SHC3: variants seen among roughly 807,000 people sequenced by gnomAD.
SHC3 encodes SHC adaptor protein 3, also known as SHC-transforming protein 3.
Under a neutral mutation model 60.4 loss-of-function variants are expected in SHC3, and 15 were observed. That is an observed-to-expected ratio of 0.25 (90% CI 0.17 to 0.38). The LOEUF (loss-of-function observed/expected upper bound fraction) is 0.38. Among genes scored for constraint, SHC3 ranks in the 10% least tolerant of loss-of-function variants. The pLI, the probability that SHC3 is intolerant of heterozygous loss-of-function variation, is 1.00. For missense variants in SHC3, 677 were observed against 786.1 expected (o/e 0.86, Z 1.66); for synonymous variants, 294 against 325.9 (o/e 0.90, Z 1.05).
At chr9:89,026,642 A>G (rs901996059) in intron 11 of SHC3, among the ~76,000 whole-genome samples, 1 of 152,238 alleles carries the variant, frequency 6.6e-6, no homozygotes, top group Non-Finnish European at 1.5e-5. Context: ...CTTTGGCTAA[A>G]TAAACCTCTG....
chr9:89,060,672 A>G (rs759553856), intron 6 of SHC3, among the ~76,000 whole-genome samples: 3 of 152,016 alleles, frequency 2.0e-5, no homozygotes, highest in Non-Finnish European at 4.4e-5. Context: ...GGGGAATGGG[A>G]CATTTTATTT....
Position 89,071,235 on chromosome 9 carries a change from G to A in SHC3, c.747C>T (p.His249=), listed in dbSNP as rs1825266218. ...CAGAGGCGAAGGAGATGGACCGCAT[G>A]TGGTGATTCGCTATGATCTGCCAGG... ...PDSKQIIANH[H]MRSISFASGG... Residue 249 remains histidine, a synonymous_variant, in exon 5 of 12, where the codon CAC becomes CAT. Coordinates refer to ENST00000375835, the MANE Select transcript of SHC3 (RefSeq NM_016848.6). 1.2e-6 allele frequency: 2 copies of A among 1,614,078 alleles called. No homozygotes were observed.
At chr9:89,118,628 GAAA>G in intron 1 of SHC3, among the ~76,000 whole-genome samples, 1 of 140,784 alleles carries the variant, frequency 7.1e-6, no homozygotes. Flanking sequence ...CCAGGAGTAG[GAAA>G]AAAAAAAAAG....
At chr9:89,174,543 C>T (rs1164774591) in intron 1 of SHC3, among the ~76,000 whole-genome samples, 1 of 152,232 alleles carries the variant, frequency 6.6e-6, no homozygotes, top group Non-Finnish European at 1.5e-5. Flanking sequence ...TGGAATAGCT[C>T]TGAGCAGTGG....
chr9:89,106,436 C>T (rs535140131), intron 2 of SHC3, among the ~76,000 whole-genome samples: 315 of 152,332 alleles, frequency 2.1e-3, no homozygotes, highest in Non-Finnish European at 3.0e-3. Context: ...CTGCCATGCT[C>T]CTGGGAGTGC....
chr9:89,114,260 T>C (rs1394233159), intron 1 of SHC3, among the ~76,000 whole-genome samples: 1 of 152,140 alleles, frequency 6.6e-6, no homozygotes, highest in African/African-American at 2.4e-5. Flanking sequence ...TACGTAAATA[T>C]CATGCCAATG....
intron 1 of SHC3, among the ~76,000 whole-genome samples, chr9:89,149,782 A>C (rs562953823): frequency 3.9e-4 from 59 of 152,204 alleles, no homozygotes; most frequent in Non-Finnish European, 7.6e-4. Context: ...TCAGTTCCCC[A>C]CAATCAACTG....
chr9:89,084,048 T>C (rs1012419583), intron 2 of SHC3, among the ~76,000 whole-genome samples: 5 of 152,338 alleles, frequency 3.3e-5, no homozygotes, highest in East Asian at 1.9e-4. Context: ...TCAGAAATCA[T>C]AGGCATCAAA....
chr9:89,059,698 G>A (rs1206416395), intron 6 of SHC3, among the ~76,000 whole-genome samples: 7 of 75,070 alleles, frequency 9.3e-5, no homozygotes, highest in Admixed American at 1.4e-4. Flanking sequence ...GGATGGTGGT[G>A]GAGGACATGG....
chr9:89,068,503 G>A (rs756062451), intron 5 of SHC3, among the ~76,000 whole-genome samples: 3 of 152,154 alleles, frequency 2.0e-5, no homozygotes, highest in Non-Finnish European at 2.9e-5. Flanking sequence ...AATTTGGAAT[G>A]TAATCTCATG....
intron 1 of SHC3, among the ~76,000 whole-genome samples, chr9:89,155,580 G>A (rs1826610889): frequency 6.6e-6 from 1 of 152,070 alleles, no homozygotes; most frequent in Non-Finnish European, 1.5e-5. Flanking sequence ...ACTTGTTCTG[G>A]AGTGCCACTG....
chr9:89,074,231 C>A (rs78217814), intron 4 of SHC3, among the ~76,000 whole-genome samples: 3,204 of 152,146 alleles, frequency 0.021, 36 homozygotes, highest in South Asian at 0.034. Context: ...AAGGTCACTG[C>A]GGGCATCCCT....
chr9:89,079,653 T>C (rs919880979), intron 2 of SHC3, among the ~76,000 whole-genome samples: 11 of 152,214 alleles, frequency 7.2e-5, no homozygotes, highest in African/African-American at 2.7e-4. Context: ...TGTGCTACTT[T>C]TGGGGAAGGG....
Position 89,164,772 on chromosome 9 carries a change from A to G in SHC3, c.474+13215T>C, listed in dbSNP as rs1826761557. ...ATTTCTAAAAAGCTAGGATCATAGG[A>G]AAATTTTCTTAACTTGTAAAAATGT... On this transcript the variant is annotated intron_variant, in intron 1 of 11. Coordinates refer to ENST00000375835, the MANE Select transcript of SHC3 (RefSeq NM_016848.6). 3.3e-5 allele frequency among the ~76,000 whole-genome samples: 5 copies of G among 152,188 alleles called. No individual in the cohort carries two copies. In the South Asian group the frequency reaches 1.0e-3, roughly 32 times the overall value.
chr9:89,165,127 A>G (rs1432227512), intron 1 of SHC3, among the ~76,000 whole-genome samples: 1 of 152,232 alleles, frequency 6.6e-6, no homozygotes, highest in Non-Finnish European at 1.5e-5. Context: ...ACAGAATTAT[A>G]GGTACTAATA....
At chr9:89,177,461 C>T (rs1826957121) in intron 1 of SHC3, among the ~76,000 whole-genome samples, 1 of 152,170 alleles carries the variant, frequency 6.6e-6, no homozygotes, top group African/African-American at 2.4e-5. Flanking sequence ...TAAAGCCCGT[C>T]GAAGAGAAAG....
intron 2 of SHC3, among the ~76,000 whole-genome samples, chr9:89,101,449 T>G (rs1825781435): frequency 6.6e-6 from 1 of 152,098 alleles, no homozygotes; most frequent in African/African-American, 2.4e-5. Flanking sequence ...AAGTATTCGG[T>G]TTTTACCATT....
At position 89,035,851 on chromosome 9, in the gene SHC3, ATGTGTGTGTGTG is replaced by A. The variant is rs34601277; in HGVS notation, c.1656+2130_1656+2141del. 8.3e-3 allele frequency among the ~76,000 whole-genome samples: 1,058 copies of A among 127,184 alleles called. 22 individuals carry two copies. The highest frequency in any genetic ancestry group is 0.023 in the South Asian group (87 of 3,744). 83.4% of individuals were successfully genotyped at this position (127,184 alleles called of 152,430 possible). On this transcript the variant is annotated intron_variant, in intron 11 of 11. Coordinates refer to ENST00000375835, the MANE Select transcript of SHC3 (RefSeq NM_016848.6). ...ACAAAATATATATATATATATATAG[ATGTGTGTGTGTG>A]TGTGTGTGTGTGTGTGTGTGTGTGT...
intron 2 of SHC3, chr9:89,108,970 TG>T: frequency 2.7e-6 from 2 of 739,780 alleles, no homozygotes; most frequent in Non-Finnish European, 3.3e-6. Flanking sequence ...ATCATTTAAC[TG>T]GGCAGTTGTA....
Sources: gnomAD v4.1 joint callset for allele counts (sites outside exome capture counted in the v4.1 genomes callset) on GRCh38, gnomAD v4.1.1 for gene constraint, MANE v1.5 for transcripts, NCBI Gene and HGNC (gene_info 2026-07-23, HGNC 2026-07-21) for gene names.